NFATC1: variants seen among roughly 807,000 people sequenced by gnomAD.
NFATC1 encodes the protein nuclear factor of activated T cells 1.
Under a neutral mutation model 76.0 loss-of-function variants are expected in NFATC1, and 22 were observed. That is an observed-to-expected ratio of 0.29 (90% CI 0.21 to 0.41). The LOEUF is 0.41. Among genes scored for constraint, NFATC1 ranks in the 10% least tolerant of loss-of-function variants. The pLI is 1.00. For missense variants in NFATC1, 1,357 were observed against 1,337.7 expected (o/e 1.01, Z -0.23); for synonymous variants, 704 against 613.1 (o/e 1.15, Z -2.19).
Position 79,411,041 on chromosome 18 carries a change from T to C in NFATC1, c.766T>C (p.Ser256Pro). The change falls in exon 2 of 10, where the codon TCC (serine) becomes CCC (proline). Residue 256 changes from serine (S) to proline (P), a missense_variant. Ser to Pro is a moderately conservative substitution (Grantham distance 74, BLOSUM62 -1). Transcript: ENST00000427363. ...TGAGGAGAGCTGGCTGGGTGCCCGC[T>C]CCTCCAGACCCGCGTCCCCTTGCAA... ...VTEESWLGARSSRPASPCNKR... is the reference protein window; with the variant it reads ...VTEESWLGARPSRPASPCNKR... The C allele has an allele frequency of 1.2e-6, 2 of 1,611,498 alleles. No homozygotes were observed. Among genetic ancestry groups the C allele is most frequent in the Non-Finnish European group, 8.5e-7 (1 of 1,179,464 alleles).
Position 79,465,873 on chromosome 18 carries a change from G to C in NFATC1, c.1960-1577G>C, listed in dbSNP as rs1339150273. Reference sequence around the variant, plus strand: ...GATGGCCCAGACCCACAGTGCTCTGGGGGCAGCCCAGGCCCCGCCCACTGA... The same window carrying C: ...GATGGCCCAGACCCACAGTGCTCTGCGGGCAGCCCAGGCCCCGCCCACTGA... On this transcript the variant is annotated intron_variant, in intron 7 of 9. Coordinates refer to ENST00000427363, the MANE Select transcript of NFATC1 (RefSeq NM_001278669.2). This position sits in a 1 kb window ranked among gnomAD's most constrained non-coding sequence, Gnocchi z 4.2. Among the ~76,000 whole-genome samples the C allele has an allele frequency of 6.6e-6, 1 of 152,232 alleles. No homozygotes were observed. The highest frequency in any genetic ancestry group is 1.5e-5 in the Non-Finnish European group (1 of 68,036).
chr18:79,396,514 G>T (rs1309213794), intron 1 of NFATC1, among the ~76,000 whole-genome samples, 163 bp downstream of exon 1: 1 of 152,012 alleles, frequency 6.6e-6, no homozygotes, highest in Admixed American at 6.6e-5. Flanking sequence ...ACCGGGAACG[G>T]CGTCCCCCAG....
chr18:79,506,439 C>G (rs1355458068), intron 9 of NFATC1, among the ~76,000 whole-genome samples: 1 of 152,222 alleles, frequency 6.6e-6, no homozygotes, highest in Non-Finnish European at 1.5e-5. Context: ...CTGATATGCC[C>G]TCCCCAGGGG....
chr18:79,431,579 T>TG (rs748603217), intron 2 of NFATC1, among the ~76,000 whole-genome samples: 1 of 152,182 alleles, frequency 6.6e-6, no homozygotes, highest in African/African-American at 2.4e-5. Flanking sequence ...TTCGTAGAGA[T>TG]GGGGTCTCTC....
chr18:79,481,743 G>T (rs1014386071), intron 8 of NFATC1, among the ~76,000 whole-genome samples: 1 of 151,928 alleles, frequency 6.6e-6, no homozygotes, highest in African/African-American at 2.4e-5. Flanking sequence ...CTGTTGTGAC[G>T]ACTGAATGTG....
In NFATC1 at chr18:79,486,941, AGTGCCCGCAGCCATGCAGGTGT is replaced by A. The variant is rs766346600; in HGVS notation, c.2782+11_2782+32del. On this transcript the variant is annotated splice_donor_5th_base_variant and intron_variant, in intron 9 of 9. Transcript: ENST00000427363. The stretch of plus-strand genomic sequence containing the variant: ...GACCAGTTGTACCTGGATGACGGTG[AGTGCCCGCAGCCATGCAGGTGT>A]GTGCCCCGCCTGGCGCCATGGCGTG... The A allele has an allele frequency of 8.2e-6, 13 of 1,585,712 alleles. No homozygotes were observed. Among genetic ancestry groups the A allele is most frequent in the East Asian group, 2.3e-5 (1 of 44,328 alleles).
intron 4 of NFATC1, among the ~76,000 whole-genome samples, chr18:79,449,535 C>G (rs1251578220): frequency 6.6e-6 from 1 of 152,204 alleles, no homozygotes; most frequent in Non-Finnish European, 1.5e-5. Context: ...GTGAAGGCAG[C>G]CGAGGAGGAG....
intron 3 of NFATC1, among the ~76,000 whole-genome samples, chr18:79,444,740 C>CAT (rs1391859357): frequency 7.0e-6 from 1 of 142,174 alleles, no homozygotes; most frequent in African/African-American, 3.0e-5. Flanking sequence ...TGGGCACACA[C>CAT]GTGCCCGACC....
chr18:79,511,296 C>G (rs1255960751), intron 9 of NFATC1, among the ~76,000 whole-genome samples: 1 of 152,084 alleles, frequency 6.6e-6, no homozygotes, highest in Non-Finnish European at 1.5e-5. Flanking sequence ...TTACAAGGCC[C>G]GACTCTGCCT....
chr18:79,397,479 G>A (rs145304787), intron 1 of NFATC1, among the ~76,000 whole-genome samples: 1,608 of 152,300 alleles, frequency 0.011, 24 homozygotes, highest in African/African-American at 0.036. Flanking sequence ...GCACAGGGCC[G>A]TGAGCTCCAC....
At chr18:79,398,580 C>G (rs568743264) in intron 1 of NFATC1, among the ~76,000 whole-genome samples, 1 of 152,218 alleles carries the variant, frequency 6.6e-6, no homozygotes, top group Non-Finnish European at 1.5e-5. Flanking sequence ...AGCCGCCCCA[C>G]CGACCCCTTC....
intron 8 of NFATC1, among the ~76,000 whole-genome samples, chr18:79,483,155 T>C (rs1431561014): frequency 6.5e-5 from 5 of 77,414 alleles, no homozygotes; most frequent in Admixed American, 1.3e-4. Context: ...TGGGGTGTAA[T>C]TCCAGCGTGA....
chr18:79,412,763 C>T (rs537798025), intron 2 of NFATC1, among the ~76,000 whole-genome samples: 8 of 152,364 alleles, frequency 5.3e-5, no homozygotes, highest in Admixed American at 2.0e-4. Flanking sequence ...AGCCCCATGG[C>T]TGATTCTGCC....
chr18:79,480,155 C>T (rs2089223516), intron 8 of NFATC1, among the ~76,000 whole-genome samples: 1 of 152,174 alleles, frequency 6.6e-6, no homozygotes, highest in South Asian at 2.1e-4. Context: ...GTGGGTGGGG[C>T]ACGTGCGGTG....
At chr18:79,416,483 G>A (rs2085880171) in intron 2 of NFATC1, among the ~76,000 whole-genome samples, 1 of 85,012 alleles carries the variant, frequency 1.2e-5, no homozygotes, top group African/African-American at 7.0e-5. Context: ...ACTGTCCGCG[G>A]GCGCTGGTGG....
intron 2 of NFATC1, among the ~76,000 whole-genome samples, 196 bp downstream of exon 2, chr18:79,411,697 T>A (rs1265550751): frequency 6.6e-6 from 1 of 152,166 alleles, no homozygotes; most frequent in Admixed American, 6.5e-5. Flanking sequence ...TGCAGACTTT[T>A]CCTTGTGCGC....
chr18:79,474,538 C>T (rs975735629), intron 8 of NFATC1, among the ~76,000 whole-genome samples: 13 of 147,516 alleles, frequency 8.8e-5, no homozygotes, highest in African/African-American at 2.3e-4. Flanking sequence ...CACTCACTGT[C>T]GACATTGTGA....
At chr18:79,427,444 CGGCTGGCCTCTGTG>C (rs2086395352) in intron 2 of NFATC1, among the ~76,000 whole-genome samples, 2 of 65,996 alleles carry the variant, frequency 3.0e-5, no homozygotes, top group Admixed American at 2.0e-4. Context: ...GGGAGCTGGA[CGGCTGGCCTCTGTG>C]CGGTGGGTGG....
At chr18:79,500,952 C>T (rs1460866906) in intron 9 of NFATC1, among the ~76,000 whole-genome samples, 1 of 152,160 alleles carries the variant, frequency 6.6e-6, no homozygotes, top group African/African-American at 2.4e-5. Context: ...TCCACAAACT[C>T]TTCAGAAAAT....
Sources: gnomAD v4.1 joint callset for allele counts (sites outside exome capture counted in the v4.1 genomes callset) on GRCh38, gnomAD v4.1.1 for gene constraint, Gnocchi (gnomAD v3.1) non-coding constraint, MANE v1.5 for transcripts, NCBI Gene and HGNC (gene_info 2026-07-23, HGNC 2026-07-21) for gene names.